Variants in RAPGEF2 observed in about 807,000 individuals in gnomAD.
RAPGEF2 encodes PDZ domain containing guanine nucleotide exchange factor (GEF) 1.
Under a neutral mutation model 186.7 loss-of-function variants are expected in RAPGEF2, and 54 were observed. That is an observed-to-expected ratio of 0.29 (90% CI 0.23 to 0.36). RAPGEF2 has a LOEUF of 0.36. RAPGEF2 is among the 10% of genes least tolerant of loss of function. RAPGEF2 has a pLI of 1.00. For missense variants in RAPGEF2, 1,532 were observed against 2,045.0 expected (o/e 0.75, Z 4.84); for synonymous variants, 712 against 705.9 (o/e 1.01, Z -0.14).
At chr4:159,211,733 A>G (rs1008840890) in intron 4 of RAPGEF2, among the ~76,000 whole-genome samples, 2 of 152,224 alleles carry the variant, frequency 1.3e-5, no homozygotes, top group African/African-American at 4.8e-5. Context: ...CATTTAATTA[A>G]AAATAATCTT....
intron 7 of RAPGEF2, among the ~76,000 whole-genome samples, chr4:159,254,667 G>A (rs1755923621): frequency 6.6e-6 from 1 of 150,472 alleles, no homozygotes; most frequent in South Asian, 2.1e-4. Context: ...GGAGTGAGGT[G>A]GCACAATCTC....
At chr4:159,181,477 T>C (rs1458172195) in intron 1 of RAPGEF2, among the ~76,000 whole-genome samples, 1 of 152,180 alleles carries the variant, frequency 6.6e-6, no homozygotes, top group Admixed American at 6.5e-5. Context: ...TTGGGCAGAT[T>C]ATGACAGGTT....
chr4:159,307,375 C>T (rs1763428204), intron 8 of RAPGEF2, among the ~76,000 whole-genome samples: 1 of 152,246 alleles, frequency 6.6e-6, no homozygotes, highest in Middle Eastern at 3.4e-3. Context: ...ATACTTTTCT[C>T]AGTTTACCTC....
Position 159,193,260 on chromosome 4 carries a change from G to T in RAPGEF2, c.197+4G>T. On this transcript the variant is annotated splice_donor_region_variant and intron_variant, in intron 3 of 29. Transcript: ENST00000691494. ...AAGCAAATGAAGTTTTATACTAGTA[G>T]GTGTTTCCTTTTTGTTTGTACAATG... 2.0e-6 allele frequency: 3 copies of T among 1,479,264 alleles called. No homozygotes were observed. Among genetic ancestry groups the T allele is most frequent in the Non-Finnish European group, 2.7e-6 (3 of 1,116,272 alleles). The allele number at this position is 1,479,264 out of a possible 1,614,324, so 91.6% of individuals were successfully genotyped here.
chr4:159,174,295 C>T (rs1052120444), intron 1 of RAPGEF2, among the ~76,000 whole-genome samples: 5 of 152,144 alleles, frequency 3.3e-5, no homozygotes, highest in Admixed American at 6.5e-5. Flanking sequence ...GTGACTATAT[C>T]ATTTAACCCT....
At chr4:159,220,526 A>G (rs902148423) in intron 4 of RAPGEF2, among the ~76,000 whole-genome samples, 1 of 152,224 alleles carries the variant, frequency 6.6e-6, no homozygotes, top group African/African-American at 2.4e-5. Flanking sequence ...CGAGACATAC[A>G]GGACAGCTCA....
chr4:159,212,385 AAGT>A (rs1482975550), intron 4 of RAPGEF2, among the ~76,000 whole-genome samples: 1 of 152,222 alleles, frequency 6.6e-6, no homozygotes, highest in African/African-American at 2.4e-5. Context: ...TTTAATATAA[AAGT>A]AGTAATTACT....
chr4:159,237,228 C>T (rs1255267894), intron 4 of RAPGEF2, among the ~76,000 whole-genome samples: 1 of 152,008 alleles, frequency 6.6e-6, no homozygotes, highest in African/African-American at 2.4e-5. Context: ...ACCATGTTGC[C>T]CAAGCTGGTC....
chr4:159,286,092 C>A (rs1760452916), intron 7 of RAPGEF2, among the ~76,000 whole-genome samples: 1 of 121,024 alleles, frequency 8.3e-6, no homozygotes, highest in South Asian at 3.1e-4. Flanking sequence ...AAATACTAAC[C>A]CAAACCAACC....
intron 7 of RAPGEF2, chr4:159,267,031 G>A (rs910933889): frequency 6.9e-6 from 3 of 437,208 alleles, no homozygotes; most frequent in African/African-American, 6.2e-5. Flanking sequence ...AGAGGAGGGG[G>A]CGAGTCTTAA....
At chr4:159,225,178 A>G (rs1404298381) in intron 4 of RAPGEF2, among the ~76,000 whole-genome samples, 1 of 152,150 alleles carries the variant, frequency 6.6e-6, no homozygotes, top group Non-Finnish European at 1.5e-5. Flanking sequence ...TACCAGAGGA[A>G]AAGAGGAGTA....
intron 3 of RAPGEF2, among the ~76,000 whole-genome samples, chr4:159,204,380 G>A (rs960091020): frequency 6.6e-6 from 1 of 152,218 alleles, no homozygotes; most frequent in African/African-American, 2.4e-5. Flanking sequence ...GGAATGAACA[G>A]AAGGAAAGCA....
In RAPGEF2 at chr4:159,186,739, C is replaced by T. The variant is rs1279019170; in HGVS notation, c.140+27C>T. 25 of 1,272,514 alleles carry T rather than the reference C, an allele frequency of 2.0e-5. No individual in the cohort carries two copies. In the East Asian group the frequency reaches 6.3e-4, roughly 32 times the overall value. 78.8% of individuals were successfully genotyped at this position (1,272,514 alleles called of 1,614,324 possible). ...TATGTCATTTTAATATTCAGTTAAT[C>T]ATAGAATGGTAAAAATTTGAAGCAT... On this transcript the variant is annotated intron_variant, in intron 2 of 29. Coordinates refer to ENST00000691494, the MANE Select transcript of RAPGEF2 (RefSeq NM_001394067.2).
intron 4 of RAPGEF2, among the ~76,000 whole-genome samples, chr4:159,219,120 C>T (rs1187153107): frequency 6.6e-6 from 1 of 152,136 alleles, no homozygotes; most frequent in Admixed American, 6.5e-5. Flanking sequence ...TCCTCTAGGA[C>T]TTGACTCTGT....
intron 9 of RAPGEF2, among the ~76,000 whole-genome samples, chr4:159,316,610 C>T (rs1030246437): frequency 1.3e-5 from 2 of 152,154 alleles, no homozygotes; most frequent in African/African-American, 4.8e-5. Context: ...AGGATAATGG[C>T]CTCCAACTCC....
At chr4:159,333,465 C>G (rs979863806) in intron 17 of RAPGEF2, among the ~76,000 whole-genome samples, 1 of 152,144 alleles carries the variant, frequency 6.6e-6, no homozygotes, top group African/African-American at 2.4e-5. Context: ...TTTCCCCTCT[C>G]TCTTCTATTT....
intron 7 of RAPGEF2, among the ~76,000 whole-genome samples, chr4:159,248,646 C>G (rs1484115414): frequency 6.6e-6 from 1 of 152,170 alleles, no homozygotes; most frequent in Non-Finnish European, 1.5e-5. Context: ...TTTAGGGGGA[C>G]TAACTCTCTT....
At chr4:159,321,303 C>T (rs1342470583) in intron 9 of RAPGEF2, among the ~76,000 whole-genome samples, 1 of 151,646 alleles carries the variant, frequency 6.6e-6, no homozygotes, top group African/African-American at 2.4e-5. Flanking sequence ...AACTCTTGGG[C>T]TCAAGCAATC....
intron 20 of RAPGEF2, among the ~76,000 whole-genome samples, chr4:159,342,553 A>G (rs55872245): frequency 1.4e-4 from 10 of 71,976 alleles, no homozygotes; most frequent in African/African-American, 5.2e-4. Context: ...TTTATTTTAT[A>G]TTATTTTATT....
Sources: allele counts gnomAD v4.1 joint callset (sites outside exome capture counted in the v4.1 genomes callset), GRCh38; gene constraint gnomAD v4.1.1; transcripts MANE v1.5; gene names NCBI Gene and HGNC (gene_info 2026-07-23, HGNC 2026-07-21).